The following RPA1 variants were observed in gnomAD, a reference collection of about 807,000 sequenced individuals.
The protein encoded by RPA1 is replication protein A 70 kDa DNA-binding subunit.
Under a neutral mutation model 83.0 loss-of-function variants are expected in RPA1, and 49 were observed. That is an observed-to-expected ratio of 0.59 (90% CI 0.47 to 0.75). The LOEUF (loss-of-function observed/expected upper bound fraction) is 0.75, where lower values mean the gene tolerates loss of function less well. Ranked by LOEUF, RPA1 falls within the 30% of genes least tolerant of loss-of-function variation. The pLI, the probability that RPA1 is intolerant of heterozygous loss-of-function variation, is 0.00. For synonymous variants in RPA1, 279 were observed against 281.8 expected (o/e 0.99, Z 0.10); for missense variants, 693 against 776.1 (o/e 0.89, Z 1.27).
chr17:1,854,265 T>C (rs1260620823), intron 5 of RPA1: 1 of 152,022 alleles, frequency 6.6e-6, no homozygotes, highest in Non-Finnish European at 1.5e-5. Flanking sequence ...AAAGCCTCAT[T>C]TGACACCAAA....
At position 1,898,502 on chromosome 17, in the gene RPA1, G is replaced by A. The variant is rs983047884; in HGVS notation, c.*1327G>A. 1.3e-5 allele frequency: 2 copies of A among 152,264 alleles called. No individual in the cohort carries two copies. Among genetic ancestry groups the A allele is most frequent in the African/African-American group, 4.8e-5 (2 of 41,476 alleles). The allele number at this position is 152,264 out of a possible 1,614,324, so 9.4% of individuals were successfully genotyped here. On this transcript the variant is annotated 3_prime_UTR_variant, in exon 17 of 17. Coordinates refer to ENST00000254719, the MANE Select transcript of RPA1 (RefSeq NM_002945.5). ...CCGCCTGCCATTGGCCGCACATCTC[G>A]CCGTCGTACCCCGGCAGTGCGGCGG...
chr17:1,880,013 G>A (rs1242744827), intron 11 of RPA1, among the ~76,000 whole-genome samples: 3 of 148,898 alleles, frequency 2.0e-5, no homozygotes, highest in South Asian at 2.2e-4. Context: ...TGGAGCTGGC[G>A]GAGGGGGCGT....
intron 4 of RPA1, among the ~76,000 whole-genome samples, chr17:1,847,351 G>C (rs962069659): frequency 3.3e-5 from 5 of 152,220 alleles, no homozygotes; most frequent in Admixed American, 2.6e-4. Flanking sequence ...CCAGGGCATG[G>C]TTGTGGGAGA....
In RPA1 at chr17:1,891,179, C is replaced by T. The variant is rs17292378; in HGVS notation, c.1552-654C>T. 2.6e-3 allele frequency among the ~76,000 whole-genome samples: 396 copies of T among 152,294 alleles called. 11 individuals are homozygous for T. Among genetic ancestry groups the T allele is most frequent in the Admixed American group, 0.023 (356 of 15,292 alleles). ...TGGATTCTTTGAGATCTGCTTTCTT[C>T]CTTGACTTTGCCCTGTTTAATGTTA... On this transcript the variant is annotated intron_variant, in intron 14 of 16. Transcript: ENST00000254719.
chr17:1,843,771 G>A, intron 2 of RPA1, 149 bp from the exon 3 acceptor site: 1 of 598,740 alleles, frequency 1.7e-6, no homozygotes, highest in Non-Finnish European at 3.0e-6. Context: ...ATCAAATCCA[G>A]TTTTCTTTTA....
chr17:1,897,250 G>A lies in RPA1; in HGVS notation c.*75G>A, dbSNP rs1211528614. On this transcript the variant is annotated 3_prime_UTR_variant, in exon 17 of 17. Transcript: ENST00000254719. ...CGATTTCCTCCCACCTCCGTGTGAC[G>A]ATCCCATGTTAGCTACACAGTGCAG... The A allele has an allele frequency of 1.5e-5, 17 of 1,132,462 alleles. No individual in the cohort carries two copies. The highest frequency in any genetic ancestry group is 6.6e-5 in the Admixed American group (3 of 45,404). The allele number at this position is 1,132,462 out of a possible 1,614,324, so 70.2% of individuals were successfully genotyped here. A position where few individuals can be genotyped will look rare whatever the true frequency, so the allele number is the denominator to read the frequency against.
intron 5 of RPA1, among the ~76,000 whole-genome samples, chr17:1,854,966 T>C (rs759151350): frequency 6.6e-6 from 1 of 152,190 alleles, no homozygotes; most frequent in African/African-American, 2.4e-5. Context: ...GCGTTCAGAC[T>C]TTCACCATTA....
At chr17:1,858,159 A>G (rs1912789460) in intron 5 of RPA1, 7 of 1,613,968 alleles carry the variant, frequency 4.3e-6, no homozygotes, top group African/African-American at 1.3e-5. Context: ...GTCGGATCCC[A>G]TTCCAGGTAT....
intron 13 of RPA1, among the ~76,000 whole-genome samples, chr17:1,886,474 G>A (rs1325066229): frequency 1.3e-5 from 2 of 152,200 alleles, no homozygotes; most frequent in East Asian, 1.9e-4. Context: ...TACTCTCTAG[G>A]ACGAATGTTC....
chr17:1,838,959 T>C (rs1431274703), intron 1 of RPA1, among the ~76,000 whole-genome samples: 2 of 152,100 alleles, frequency 1.3e-5, no homozygotes, highest in African/African-American at 4.8e-5. Context: ...CACAGCATTC[T>C]CCTGCCTCAG....
chr17:1,836,110 TTTTA>T (rs1555584763), intron 1 of RPA1, among the ~76,000 whole-genome samples: 7 of 151,872 alleles, frequency 4.6e-5, no homozygotes, highest in African/African-American at 1.4e-4. Flanking sequence ...ATTGCACCTT[TTTTA>T]TTTATTTATT....
At position 1,897,656 on chromosome 17, in the gene RPA1, G is replaced by A. The variant is rs17339333; in HGVS notation, c.*481G>A. 0.026 allele frequency: 4,201 copies of A among 162,700 alleles called. 192 individuals carry two copies. The highest frequency in any genetic ancestry group is 0.094 in the African/African-American group (3,914 of 41,526). 10.1% of individuals were successfully genotyped at this position (162,700 alleles called of 1,614,324 possible). Reference sequence around the variant, plus strand: ...TAGTAAGTGTGTCTTCCTAGAATTCGAAGGCTCTCTCTTTCTAGAGGTGCT... The same window carrying A: ...TAGTAAGTGTGTCTTCCTAGAATTCAAAGGCTCTCTCTTTCTAGAGGTGCT... On this transcript the variant is annotated 3_prime_UTR_variant, in exon 17 of 17. Coordinates refer to ENST00000254719, the MANE Select transcript of RPA1 (RefSeq NM_002945.5).
chr17:1,858,439 G>T, intron 5 of RPA1: 2 of 1,439,692 alleles, frequency 1.4e-6, no homozygotes, highest in South Asian at 1.1e-5. Context: ...CAGCAACAGC[G>T]CAGCCATCTT....
chr17:1,874,012 A>AAAAAAATATATATAT (rs1555592994), intron 6 of RPA1, among the ~76,000 whole-genome samples: 3 of 93,826 alleles, frequency 3.2e-5, no homozygotes, highest in Admixed American at 1.3e-4. Context: ...AAAAAAAAAA[A>AAAAAAATATATATAT]ATATATATAT....
intron 7 of RPA1, 61 bp from the exon 8 acceptor site, chr17:1,877,151 T>A: frequency 6.8e-7 from 1 of 1,474,076 alleles, no homozygotes; most frequent in Non-Finnish European, 9.5e-7. Flanking sequence ...GGAAGATGAT[T>A]TCTTACTTGA....
At chr17:1,874,114 T>C in intron 6 of RPA1, among the ~76,000 whole-genome samples, 1 of 151,056 alleles carries the variant, frequency 6.6e-6, no homozygotes, top group Non-Finnish European at 1.5e-5. Context: ...AATAATCATT[T>C]CCTTAGGCTT....
At chr17:1,890,924 T>C (rs1197182477) in intron 14 of RPA1, among the ~76,000 whole-genome samples, 1 of 152,204 alleles carries the variant, frequency 6.6e-6, no homozygotes, top group Non-Finnish European at 1.5e-5. Flanking sequence ...TGCTCTTTGC[T>C]TCTTAGAAGG....
At chr17:1,864,585 T>A (rs984229989) in intron 5 of RPA1, among the ~76,000 whole-genome samples, 1 of 151,866 alleles carries the variant, frequency 6.6e-6, no homozygotes, top group Non-Finnish European at 1.5e-5. Context: ...GTTCTTCAAT[T>A]AGTCCATAAC....
At chr17:1,858,039 T>C in intron 5 of RPA1, 1 of 1,611,952 alleles carries the variant, frequency 6.2e-7, no homozygotes, top group Middle Eastern at 1.7e-4. Context: ...CCTCCTTTCT[T>C]CACATGGCTG....
Sources: allele counts gnomAD v4.1 joint callset (sites outside exome capture counted in the v4.1 genomes callset), GRCh38; gene constraint gnomAD v4.1.1; transcripts MANE v1.5; gene names NCBI Gene and HGNC (gene_info 2026-07-23, HGNC 2026-07-21).